Variants in TMEM131L observed in about 807,000 individuals in gnomAD.
The protein encoded by TMEM131L is transmembrane 131 like.
TMEM131L carries 54 observed loss-of-function variants against 192.2 expected under a neutral mutation model. The observed-to-expected ratio is 0.28, with a 90% CI of 0.23 to 0.35. The LOEUF is 0.35. Among genes scored for constraint, TMEM131L ranks in the 10% least tolerant of loss-of-function variants. TMEM131L has a pLI of 1.00. For synonymous variants in TMEM131L, 701 were observed against 704.9 expected (o/e 0.99, Z 0.09); for missense variants, 1,888 against 1,972.9 (o/e 0.96, Z 0.82).
chr4:153,470,357 C>T (rs755032089), intron 2 of TMEM131L, among the ~76,000 whole-genome samples: 20 of 152,154 alleles, frequency 1.3e-4, no homozygotes, highest in Middle Eastern at 3.2e-3. Context: ...AGAGCATGAA[C>T]GGCTTTCTTG....
intron 3 of TMEM131L, among the ~76,000 whole-genome samples, chr4:153,476,570 G>A (rs569400782): frequency 1.4e-4 from 22 of 152,066 alleles, no homozygotes; most frequent in Non-Finnish European, 3.1e-4. Context: ...GGTGGTGGGC[G>A]CCTGTAGTCC....
Position 153,475,232 on chromosome 4 carries a change from T to C in TMEM131L, c.239+1344T>C, listed in dbSNP as rs143945995. ...TTTAGTAACTTTGGTGGTTTTCAGATCGTTCCTTTTAGTAAAATTGAAGGA... is the reference window on the plus strand; with the variant it reads ...TTTAGTAACTTTGGTGGTTTTCAGACCGTTCCTTTTAGTAAAATTGAAGGA... On this transcript the variant is annotated intron_variant, in intron 3 of 34. Coordinates refer to ENST00000409959, the MANE Select transcript of TMEM131L (RefSeq NM_001131007.2). 1.1e-3 allele frequency among the ~76,000 whole-genome samples: 168 copies of C among 152,256 alleles called. 1 individual carries two copies. The highest frequency in any genetic ancestry group is 3.8e-3 in the African/African-American group (160 of 41,580).
chr4:153,520,012 A>C (rs746751782), intron 3 of TMEM131L, among the ~76,000 whole-genome samples: 11 of 152,172 alleles, frequency 7.2e-5, no homozygotes, highest in Non-Finnish European at 1.3e-4. Flanking sequence ...AAGAACCAGA[A>C]ATTTGCCTGG....
At chr4:153,623,930 C>T (rs1733636448) in intron 29 of TMEM131L, among the ~76,000 whole-genome samples, 1 of 151,604 alleles carries the variant, frequency 6.6e-6, no homozygotes, top group African/African-American at 2.4e-5. Flanking sequence ...CTGTTCACTT[C>T]TCCCTTCCCA....
At chr4:153,602,101 A>T in intron 21 of TMEM131L, 51 bp from the exon 22 acceptor site, 1 of 1,070,122 alleles carries the variant, frequency 9.3e-7, no homozygotes, top group South Asian at 1.8e-5. Context: ...ATTATTTTAA[A>T]TAAATTTTAT....
chr4:153,526,372 C>A (rs1735483047), intron 3 of TMEM131L, among the ~76,000 whole-genome samples: 1 of 152,146 alleles, frequency 6.6e-6, no homozygotes. Context: ...TTTTTGAGCA[C>A]TCCCTCCTGC....
In TMEM131L at chr4:153,602,346, T is replaced by C. The variant is rs1241783785; in HGVS notation, c.2453+8T>C. 4 of 1,607,248 alleles carry C rather than the reference T, an allele frequency of 2.5e-6. No individual in the cohort carries two copies. The highest frequency in any genetic ancestry group is 3.4e-6 in the Non-Finnish European group (4 of 1,178,586). Reference sequence around the variant, plus strand: ...CCGCGATATCAGCATTGTGTAAGCATTGGGCTTTAACTTGATTTCAGTTTT... The same window carrying C: ...CCGCGATATCAGCATTGTGTAAGCACTGGGCTTTAACTTGATTTCAGTTTT... On this transcript the variant is annotated splice_region_variant and intron_variant, in intron 22 of 34. Transcript: ENST00000409959.
rs756018078 is a variant in TMEM131L, at chr4:153,634,431, G to A, written c.4417+151G>A. On this transcript the variant is annotated intron_variant, in intron 33 of 34. Coordinates refer to ENST00000409959, the MANE Select transcript of TMEM131L (RefSeq NM_001131007.2). ...TGCCGAATGGCTTCATGTGGATCCAGTTGTGCACTGATGCCATATATAATT... is the reference window on the plus strand; with the variant it reads ...TGCCGAATGGCTTCATGTGGATCCAATTGTGCACTGATGCCATATATAATT... The A allele has an allele frequency of 2.1e-5, 13 of 617,260 alleles. No individual in the cohort carries two copies. The South Asian group carries it at 2.6e-4, about 12-fold the overall frequency. 38.2% of individuals were successfully genotyped at this position (617,260 alleles called of 1,614,324 possible).
intron 3 of TMEM131L, among the ~76,000 whole-genome samples, chr4:153,492,223 C>T (rs1732842748): frequency 6.6e-6 from 1 of 152,068 alleles, no homozygotes; most frequent in African/African-American, 2.4e-5. Context: ...CTATGTTGCC[C>T]AGGCTGGCCT....
chr4:153,594,603 T>G (rs1561224852), intron 19 of TMEM131L, among the ~76,000 whole-genome samples: 1 of 152,256 alleles, frequency 6.6e-6, no homozygotes, highest in Non-Finnish European at 1.5e-5. Context: ...CTATTTTTAC[T>G]ACACTATATT....
intron 18 of TMEM131L, among the ~76,000 whole-genome samples, chr4:153,593,166 A>T (rs1448892583): frequency 6.6e-6 from 1 of 152,212 alleles, no homozygotes; most frequent in South Asian, 2.1e-4. Context: ...TAATTAGTTC[A>T]TGTCTGTTAT....
intron 3 of TMEM131L, among the ~76,000 whole-genome samples, chr4:153,495,430 A>T (rs1232459246): frequency 1.3e-5 from 2 of 152,104 alleles, no homozygotes; most frequent in Admixed American, 6.6e-5. Context: ...GCTTGCTTTT[A>T]TATATTTTAG....
intron 3 of TMEM131L, among the ~76,000 whole-genome samples, chr4:153,486,199 C>T (rs1232611990): frequency 6.6e-6 from 1 of 152,152 alleles, no homozygotes; most frequent in East Asian, 1.9e-4. Context: ...AGGGTTGGTC[C>T]TTCAGTAATA....
chr4:153,483,002 A>G (rs1732054172), intron 3 of TMEM131L, among the ~76,000 whole-genome samples: 1 of 152,210 alleles, frequency 6.6e-6, no homozygotes, highest in Non-Finnish European at 1.5e-5. Flanking sequence ...ACCTTTAATA[A>G]TTCCATATTA....
intron 32 of TMEM131L, 88 bp from the exon 33 acceptor site, chr4:153,634,104 G>T: frequency 1.8e-6 from 2 of 1,086,492 alleles, no homozygotes; most frequent in Non-Finnish European, 2.8e-6. Context: ...CAGTGATTAG[G>T]ATGCTAGGCA....
In TMEM131L at chr4:153,603,909, A is replaced by G. The variant is rs1221835372; in HGVS notation, c.2897A>G (p.Lys966Arg). The G allele has an allele frequency of 6.2e-7, 1 of 1,614,138 alleles. No homozygotes were observed. The highest frequency in any genetic ancestry group is 1.1e-5 in the South Asian group (1 of 91,084). The change falls in exon 25 of 35, where the codon AAG (lysine) becomes AGG (arginine). Residue 966 changes from lysine (K) to arginine (R), a missense_variant. By Grantham distance (26) the Lys-to-Arg change is conservative. Transcript: ENST00000409959. ...CAAAGCAGGATCCAGAATGCTGCAA[A>G]GAGGAGCCCAGCCACCTATGGTCAT... ...TPQSRIQNAA[K>R]RSPATYGHSQ... is the part of the protein sequence containing the mutation.
intron 3 of TMEM131L, among the ~76,000 whole-genome samples, chr4:153,518,446 A>C (rs1180263487): frequency 6.6e-6 from 1 of 152,260 alleles, no homozygotes; most frequent in East Asian, 1.9e-4. Flanking sequence ...AATAAGATGC[A>C]GACATCATAC....
At chr4:153,520,361 C>T (rs1403794047) in intron 3 of TMEM131L, among the ~76,000 whole-genome samples, 2 of 152,052 alleles carry the variant, frequency 1.3e-5, no homozygotes, top group Non-Finnish European at 2.9e-5. Flanking sequence ...GTTCCAGCTA[C>T]TTGGAGGCTG....
At chr4:153,570,937 T>C (rs895962419) in intron 7 of TMEM131L, among the ~76,000 whole-genome samples, 5 of 152,200 alleles carry the variant, frequency 3.3e-5, no homozygotes, top group African/African-American at 1.2e-4. Flanking sequence ...TAGTCGGCTG[T>C]TCCCCCAGGA....
Sources: allele counts gnomAD v4.1 joint callset (sites outside exome capture counted in the v4.1 genomes callset), GRCh38; gene constraint gnomAD v4.1.1; transcripts MANE v1.5; gene names NCBI Gene and HGNC (gene_info 2026-07-23, HGNC 2026-07-21).